Variants in NTRK1 observed in about 807,000 individuals in gnomAD.
The protein encoded by NTRK1 is neurotrophic receptor tyrosine kinase 1, also known as high affinity nerve growth factor receptor.
NTRK1 carries 62 observed loss-of-function variants against 86.8 expected under a neutral mutation model. The ratio of observed to expected loss-of-function variants is 0.71; its 90% confidence interval spans 0.58 to 0.88. NTRK1 has a LOEUF of 0.88. Ranked by LOEUF, NTRK1 falls within the 40% of genes least tolerant of loss-of-function variation. NTRK1 has a pLI of 0.00. For synonymous variants in NTRK1, 469 were observed against 456.6 expected (o/e 1.03, Z -0.35); for missense variants, 967 against 1,078.4 (o/e 0.90, Z 1.45).
At chr1:156,849,442 C>A in intron 2 of NTRK1, 1 of 1,611,732 alleles carries the variant, frequency 6.2e-7, no homozygotes, top group Non-Finnish European at 8.5e-7. Context: ...GGTTGTCCAG[C>A]ACGTAGAGAG....
At chr1:156,879,004 T>G (rs1648083790) in intron 14 of NTRK1, 118 bp from the exon 15 acceptor site, 1 of 1,222,476 alleles carries the variant, frequency 8.2e-7, no homozygotes, top group South Asian at 1.5e-5. Context: ...CTCTCAATCC[T>G]CCACTTCCAG....
At chr1:156,827,186 A>G (rs1248096425) in intron 1 of NTRK1, among the ~76,000 whole-genome samples, 1 of 50,270 alleles carries the variant, frequency 2.0e-5, no homozygotes, top group African/African-American at 1.1e-4. Context: ...AGGTGCAAGC[A>G]ATCCTCCACT....
chr1:156,819,484 C>T (rs571769731), intron 1 of NTRK1, among the ~76,000 whole-genome samples: 163 of 150,896 alleles, frequency 1.1e-3, no homozygotes, highest in African/African-American at 3.7e-3. Flanking sequence ...CCTTTGCTCA[C>T]TTTTTGATGG....
intron 2 of NTRK1, chr1:156,844,103 C>G: frequency 3.6e-6 from 4 of 1,104,848 alleles, no homozygotes; most frequent in Non-Finnish European, 5.4e-6. Context: ...TCTCATCTAC[C>G]TCCCTTTGAC....
chr1:156,872,067 G>A (rs923006325), intron 7 of NTRK1, among the ~76,000 whole-genome samples: 10 of 152,062 alleles, frequency 6.6e-5, no homozygotes, highest in Non-Finnish European at 1.5e-4. Flanking sequence ...CCCTCATCGG[G>A]TCCTTCTCCC....
At chr1:156,843,273 C>G (rs754003321) in intron 2 of NTRK1, 1 of 1,592,142 alleles carries the variant, frequency 6.3e-7, no homozygotes, top group Non-Finnish European at 8.6e-7. Flanking sequence ...GGATGCTGCT[C>G]TCTGCCACAC....
intron 2 of NTRK1, among the ~76,000 whole-genome samples, chr1:156,847,630 T>TA (rs903311294): frequency 1.1e-4 from 16 of 151,934 alleles, no homozygotes; most frequent in African/African-American, 3.9e-4. Context: ...GTGCCTGCCT[T>TA]TGTTGGGACC....
intron 1 of NTRK1, chr1:156,815,926 C>T: frequency 6.2e-7 from 1 of 1,609,462 alleles, no homozygotes; most frequent in Non-Finnish European, 8.5e-7. Context: ...TGGCCTTTGT[C>T]CATCTGCAAG....
chr1:156,858,008 A>G (rs985572502), upstream of NTRK1, among the ~76,000 whole-genome samples: 5 of 152,066 alleles, frequency 3.3e-5, no homozygotes, highest in African/African-American at 1.2e-4. Context: ...TCTTCCCCCA[A>G]AACCAGCCTT....
chr1:156,830,688 G>A (rs1248415016), intron 1 of NTRK1, among the ~76,000 whole-genome samples: 1 of 151,772 alleles, frequency 6.6e-6, no homozygotes, highest in Non-Finnish European at 1.5e-5. Flanking sequence ...CTGAGTAGCT[G>A]GGATTACAGG....
chr1:156,828,529 T>C lies in NTRK1; in HGVS notation c.-64+12691T>C, dbSNP rs184169404. ...CTGCTGGGCTGCCTCCCAGGCTGTC[T>C]CCATGCTTCTCCTCACGCGCAGTCG... On this transcript the variant is annotated intron_variant, in intron 1 of 16. Transcript: ENST00000392302. 2.1e-3 allele frequency among the ~76,000 whole-genome samples: 327 copies of C among 152,376 alleles called. 1 individual carries two copies. Among genetic ancestry groups the C allele is most frequent in the African/African-American group, 6.6e-3 (276 of 41,596 alleles).
intron 3 of NTRK1, among the ~76,000 whole-genome samples, chr1:156,865,470 C>G (rs1177843601): frequency 6.6e-6 from 1 of 152,188 alleles, no homozygotes; most frequent in African/African-American, 2.4e-5. Flanking sequence ...TGACAGGAGG[C>G]GGAGCTCAGG....
intron 3 of NTRK1, among the ~76,000 whole-genome samples, chr1:156,866,527 GC>G (rs1655938069): frequency 6.6e-6 from 1 of 152,154 alleles, no homozygotes; most frequent in African/African-American, 2.4e-5. Flanking sequence ...TCTTCCTCTG[GC>G]CCCGTCCTGG....
chr1:156,876,969 A>G (rs1381763933), intron 14 of NTRK1, among the ~76,000 whole-genome samples: 1 of 152,212 alleles, frequency 6.6e-6, no homozygotes, highest in East Asian at 1.9e-4. Context: ...TCCAGGTGCT[A>G]TGTTATATAC....
chr1:156,846,593 G>C lies in NTRK1; in HGVS notation c.50+4400G>C, dbSNP rs377121387. On this transcript the variant is annotated intron_variant, in intron 2 of 16. Coordinates refer to the NTRK1 transcript ENST00000392302. ...AGGGCTGTCCTCCTCAGTGGTTAGC[G>C]TGATGGCCCGCACAAACACTGCGTA... 1.6e-4 allele frequency: 257 copies of C among 1,614,042 alleles called. No individual in the cohort carries two copies. The highest frequency in any genetic ancestry group is 2.1e-4 in the Non-Finnish European group (250 of 1,180,052).
At chr1:156,859,439 T>G (rs892097207), upstream of NTRK1, among the ~76,000 whole-genome samples, 6 of 152,086 alleles carry the variant, frequency 3.9e-5, no homozygotes, top group African/African-American at 1.4e-4. The surrounding 1 kb of genome is among the most constrained non-coding windows in gnomAD (Gnocchi z 6.2). Flanking sequence ...GGGAGCGCTG[T>G]GTCTAGATTC....
At chr1:156,829,171 AGTGTAGG>A (rs1370214269) in intron 1 of NTRK1, among the ~76,000 whole-genome samples, 1 of 152,208 alleles carries the variant, frequency 6.6e-6, no homozygotes, top group Non-Finnish European at 1.5e-5. Context: ...TGAGGATGAC[AGTGTAGG>A]GTGTTAGATG....
intron 1 of NTRK1, among the ~76,000 whole-genome samples, chr1:156,827,849 T>C (rs976397633): frequency 2.0e-5 from 3 of 152,258 alleles, no homozygotes; most frequent in African/African-American, 7.2e-5. Flanking sequence ...TGGCTGTTTC[T>C]AAATCAGGCT....
At chr1:156,849,675 G>A (rs887851918) in intron 2 of NTRK1, among the ~76,000 whole-genome samples, 7 of 152,090 alleles carry the variant, frequency 4.6e-5, no homozygotes, top group Non-Finnish European at 7.4e-5. Flanking sequence ...CCATCTTTTG[G>A]TTTTCCTCAT....
Sources: gnomAD v4.1 joint callset for allele counts (sites outside exome capture counted in the v4.1 genomes callset) on GRCh38, gnomAD v4.1.1 for gene constraint, Gnocchi (gnomAD v3.1) non-coding constraint, MANE v1.5 for transcripts, NCBI Gene and HGNC (gene_info 2026-07-23, HGNC 2026-07-21) for gene names.